Variants in NTM observed in about 807,000 individuals in gnomAD.
NTM encodes the protein neurotrimin, also known as IgLON family member 2.
Under a neutral mutation model 42.1 loss-of-function variants are expected in NTM, and 13 were observed. That is an observed-to-expected ratio of 0.31 (90% CI 0.20 to 0.49). NTM has a LOEUF of 0.49. Among genes scored for constraint, NTM ranks in the 20% least tolerant of loss-of-function variants. The pLI, the probability that NTM is intolerant of heterozygous loss-of-function variation, is 0.99. For missense variants in NTM, 373 were observed against 452.8 expected (o/e 0.82, Z 1.60); for synonymous variants, 187 against 179.2 (o/e 1.04, Z -0.35).
At chr11:132,287,944 C>T (rs1051542648) in intron 4 of NTM, among the ~76,000 whole-genome samples, 4 of 152,202 alleles carry the variant, frequency 2.6e-5, no homozygotes, top group African/African-American at 7.2e-5. Context: ...TGAGGCTACT[C>T]ATTTAATAAA....
intron 1 of NTM, among the ~76,000 whole-genome samples, chr11:131,831,358 T>C (rs1001788327): frequency 5.9e-5 from 9 of 152,224 alleles, no homozygotes; most frequent in African/African-American, 1.9e-4. Context: ...CCAGCACAAA[T>C]AGGAGAAAGG....
At chr11:132,116,843 A>G (rs1335442290) in intron 2 of NTM, among the ~76,000 whole-genome samples, 1 of 152,222 alleles carries the variant, frequency 6.6e-6, no homozygotes, top group Non-Finnish European at 1.5e-5. Flanking sequence ...GCAGACTTGA[A>G]AACTAGTGTA....
intron 1 of NTM, among the ~76,000 whole-genome samples, chr11:131,509,831 G>C (rs2048005877): frequency 1.3e-5 from 2 of 152,220 alleles, no homozygotes; most frequent in South Asian, 4.1e-4. Flanking sequence ...CTGTTTAACT[G>C]AAGGTTCATG....
At chr11:131,449,787 A>G (rs1950345905) in intron 1 of NTM, among the ~76,000 whole-genome samples, 1 of 152,154 alleles carries the variant, frequency 6.6e-6, no homozygotes. Flanking sequence ...AGCCCAGCTC[A>G]TGTCCCACCT....
At chr11:131,746,837 T>G (rs952277439) in intron 1 of NTM, among the ~76,000 whole-genome samples, 2 of 152,146 alleles carry the variant, frequency 1.3e-5, no homozygotes, top group African/African-American at 4.8e-5. Context: ...AACAAATTAT[T>G]ATAACAATGA....
At chr11:132,314,500 G>GGACACATAACCATCTTGT in intron 6 of NTM, 52 bp from the exon 7 acceptor site, 1 of 1,558,172 alleles carries the variant, frequency 6.4e-7, no homozygotes, top group East Asian at 2.3e-5. Context: ...TTCTTCCTAT[G>GGACACATAACCATCTTGT]AGGACACATA....
intron 4 of NTM, among the ~76,000 whole-genome samples, chr11:132,274,073 A>G (rs1470074739): frequency 3.3e-5 from 5 of 152,084 alleles, no homozygotes; most frequent in Non-Finnish European, 7.4e-5. Flanking sequence ...GTTTGGCAGT[A>G]ATGTTTCCTC....
At chr11:132,041,641 C>T (rs528075360) in intron 2 of NTM, among the ~76,000 whole-genome samples, 1 of 152,320 alleles carries the variant, frequency 6.6e-6, no homozygotes, top group South Asian at 2.1e-4. Context: ...TTTCTTCTCT[C>T]TCCACGGTAA....
intron 1 of NTM, among the ~76,000 whole-genome samples, chr11:131,758,483 T>C (rs1325403812): frequency 1.3e-5 from 2 of 152,230 alleles, no homozygotes; most frequent in East Asian, 3.8e-4. Context: ...AGGAAATAAC[T>C]GTCCCCAAAC....
At chr11:132,144,499 C>T (rs1165658533) in intron 2 of NTM, among the ~76,000 whole-genome samples, 1 of 152,166 alleles carries the variant, frequency 6.6e-6, no homozygotes, top group East Asian at 1.9e-4. Context: ...TTATTTTGCA[C>T]TGGGCCCCAT....
At chr11:132,000,272 A>G (rs2068936226) in intron 2 of NTM, among the ~76,000 whole-genome samples, 2 of 152,216 alleles carry the variant, frequency 1.3e-5, no homozygotes, top group Non-Finnish European at 2.9e-5. Flanking sequence ...ATAGGCACAT[A>G]TCTGACACTC....
chr11:131,974,229 A>C (rs2063977508), intron 2 of NTM, among the ~76,000 whole-genome samples: 1 of 152,162 alleles, frequency 6.6e-6, no homozygotes, highest in Admixed American at 6.5e-5. Context: ...CAGATTTTCA[A>C]CTATATGGGG....
chr11:131,800,320 T>A (rs1302119348), intron 1 of NTM, among the ~76,000 whole-genome samples: 1 of 152,244 alleles, frequency 6.6e-6, no homozygotes, highest in African/African-American at 2.4e-5. Flanking sequence ...TAAACGGTTT[T>A]ACTTCCATTT....
intron 1 of NTM, among the ~76,000 whole-genome samples, chr11:131,506,863 G>A (rs1358574560): frequency 2.0e-5 from 3 of 152,152 alleles, no homozygotes; most frequent in African/African-American, 7.2e-5. Context: ...GGGGAACAGG[G>A]CCCAGAGAAA....
chr11:132,197,926 C>G (rs1318977516), intron 3 of NTM, among the ~76,000 whole-genome samples: 1 of 152,058 alleles, frequency 6.6e-6, no homozygotes, highest in Non-Finnish European at 1.5e-5. Flanking sequence ...GGTTCCAAGT[C>G]TTTGCTATTG....
chr11:132,076,698 C>T (rs1050413787), intron 2 of NTM, among the ~76,000 whole-genome samples: 2 of 152,038 alleles, frequency 1.3e-5, no homozygotes, highest in Non-Finnish European at 2.9e-5. Context: ...GAGTCCCACA[C>T]CAACATTTTT....
chr11:132,246,460 A>G (rs558678768), intron 4 of NTM, among the ~76,000 whole-genome samples: 2 of 152,386 alleles, frequency 1.3e-5, no homozygotes, highest in East Asian at 3.9e-4. Context: ...CCGAGGTCAC[A>G]GAGCTGAACT....
At chr11:132,134,374 G>C (rs1345126757) in intron 2 of NTM, among the ~76,000 whole-genome samples, 1 of 151,752 alleles carries the variant, frequency 6.6e-6, no homozygotes, top group Non-Finnish European at 1.5e-5. Flanking sequence ...ATGGCATTTG[G>C]TTACGTGAAT....
chr11:131,825,887 C>T (rs1459550036), intron 1 of NTM, among the ~76,000 whole-genome samples: 2 of 152,062 alleles, frequency 1.3e-5, no homozygotes, highest in African/African-American at 2.4e-5. Flanking sequence ...TTTAAATATC[C>T]TAGAGGAAAC....
Sources: allele counts gnomAD v4.1 joint callset (sites outside exome capture counted in the v4.1 genomes callset), GRCh38; gene constraint gnomAD v4.1.1; transcripts MANE v1.5; gene names NCBI Gene and HGNC (gene_info 2026-07-23, HGNC 2026-07-21).